Variants in OPN3 observed in about 807,000 individuals in gnomAD.
OPN3 encodes the protein opsin-3.
Under a neutral mutation model 33.8 loss-of-function variants are expected in OPN3, and 29 were observed. That is an observed-to-expected ratio of 0.86 (90% CI 0.64 to 1.17). The LOEUF is 1.17. Ranked by LOEUF, OPN3 falls within the 50% of genes most tolerant of loss-of-function variation. The pLI is 0.00. For missense variants in OPN3, 437 were observed against 514.1 expected (o/e 0.85, Z 1.45); for synonymous variants, 216 against 216.1 (o/e 1.00, Z 0.00).
At chr1:241,624,018 G>A (rs1335902933) in intron 1 of OPN3, among the ~76,000 whole-genome samples, 874 of 89,836 alleles carry the variant, frequency 9.7e-3, no homozygotes, top group Middle Eastern at 0.021. Context: ...TATGCTCCAG[G>A]CACTGTGGAC....
intron 1 of OPN3, among the ~76,000 whole-genome samples, chr1:241,614,908 C>G (rs1664085613): frequency 6.6e-6 from 1 of 152,204 alleles, no homozygotes; most frequent in South Asian, 2.1e-4. Flanking sequence ...TGTTTCCCCC[C>G]AGTAATTGCT....
chr1:241,613,382 G>A (rs1195742291), intron 1 of OPN3, among the ~76,000 whole-genome samples: 2 of 152,154 alleles, frequency 1.3e-5, no homozygotes, highest in Admixed American at 1.3e-4. Flanking sequence ...AAAAATAAAA[G>A]AGCCAAGACT....
At chr1:241,631,569 A>T (rs749541211) in intron 1 of OPN3, 2 of 152,134 alleles carry the variant, frequency 1.3e-5, no homozygotes, top group Non-Finnish European at 2.9e-5. Context: ...CAATTACTTA[A>T]ATCTGTCTAG....
intron 1 of OPN3, among the ~76,000 whole-genome samples, chr1:241,618,861 C>G (rs981808799): frequency 1.1e-4 from 17 of 148,488 alleles, no homozygotes; most frequent in Non-Finnish European, 5.9e-5. Context: ...GGCACACCCA[C>G]TTTTGTATTT....
At chr1:241,627,999 C>G (rs1398336860) in intron 1 of OPN3, among the ~76,000 whole-genome samples, 1 of 152,086 alleles carries the variant, frequency 6.6e-6, no homozygotes, top group Admixed American at 6.6e-5. Flanking sequence ...CTTCCCCAGG[C>G]AAAAGAAAAA....
At chr1:241,607,899 A>G (rs1001821252) in intron 1 of OPN3, among the ~76,000 whole-genome samples, 4 of 152,194 alleles carry the variant, frequency 2.6e-5, no homozygotes, top group Non-Finnish European at 5.9e-5. Flanking sequence ...GAAAGTATCA[A>G]GGTAGATGAC....
Position 241,640,051 on chromosome 1 carries a change from CT to C in OPN3, c.203del (p.Lys68SerfsTer36). The C allele has an allele frequency of 1.2e-6, 2 of 1,612,874 alleles. No individual in the cohort carries two copies. Among genetic ancestry groups the C allele is most frequent in the Non-Finnish European group, 1.7e-6 (2 of 1,179,530 alleles). The part of the protein sequence containing the change: ...NNLLVLVLYY[K>X]FQRLRTPTHL... Reference sequence around the variant, plus strand: ...GAGTGGGAGTGCGGAGCCGCTGGAACTTGTAGTAGAGGACGAGCACCAGCAG... The same window carrying C: ...GAGTGGGAGTGCGGAGCCGCTGGAACTGTAGTAGAGGACGAGCACCAGCAG... On this transcript the variant is annotated frameshift_variant, in exon 1 of 4. Transcript: ENST00000366554. LOFTEE classifies it high-confidence loss of function.
intron 1 of OPN3, chr1:241,635,406 T>C: frequency 6.2e-7 from 1 of 1,614,054 alleles, no homozygotes; most frequent in South Asian, 1.1e-5. Flanking sequence ...GAAGGATTTT[T>C]CTGCAGAGCA....
Position 241,594,551 on chromosome 1 carries a change from T to A in OPN3, c.1086A>T (p.Lys362Asn), listed in dbSNP as rs1403580402. ...TGGAAGAAGAGTTGAAAGTCACTTT[T>A]TTCTTTGGCCTGTCCCCATCTTTCT... Reference protein sequence around the residue: ...MSQKDGDRPKKKVTFNSSSII... With the variant: ...MSQKDGDRPKNKVTFNSSSII... Residue 362 changes from lysine (K) to asparagine (N), a missense_variant, in exon 4 of 4, where the codon AAA (lysine) becomes AAT (asparagine). By Grantham distance (94) the Lys-to-Asn change is moderately conservative (BLOSUM62 0). Transcript: ENST00000366554. 1.2e-6 allele frequency: 2 copies of A among 1,614,140 alleles called. No individual in the cohort carries two copies. Among genetic ancestry groups the A allele is most frequent in the Admixed American group, 1.7e-5 (1 of 60,020 alleles).
chr1:241,618,972 T>TTATATATATA (rs139434037), intron 1 of OPN3, among the ~76,000 whole-genome samples: 10 of 147,876 alleles, frequency 6.8e-5, no homozygotes, highest in African/African-American at 2.2e-4. Flanking sequence ...GCAGGCTAGT[T>TTATATATATA]TATATATATA....
chr1:241,631,162 GC>G (rs1664620683), intron 1 of OPN3: 1 of 151,988 alleles, frequency 6.6e-6, no homozygotes, highest in African/African-American at 2.4e-5. Context: ...ATTTTTAAAT[GC>G]TTTTTATTGG....
chr1:241,633,936 G>C (rs1437275556), intron 1 of OPN3: 1 of 1,613,764 alleles, frequency 6.2e-7, no homozygotes, highest in African/African-American at 1.3e-5. Flanking sequence ...TCTGGATTTG[G>C]AGGTGGAGGG....
intron 1 of OPN3, among the ~76,000 whole-genome samples, chr1:241,612,161 T>C (rs1336631462): frequency 6.6e-6 from 1 of 152,236 alleles, no homozygotes; most frequent in East Asian, 1.9e-4. Context: ...ATAGATTCTC[T>C]GGATCATTTT....
intron 1 of OPN3, among the ~76,000 whole-genome samples, chr1:241,637,528 G>A (rs1349433263): frequency 6.6e-6 from 1 of 152,186 alleles, no homozygotes; most frequent in African/African-American, 2.4e-5. Context: ...ATCTATGATG[G>A]TATCTGAAGA....
chr1:241,625,132 T>TA (rs2148015808), intron 1 of OPN3, among the ~76,000 whole-genome samples: 2 of 152,362 alleles, frequency 1.3e-5, no homozygotes, highest in Admixed American at 1.3e-4. Flanking sequence ...AGTGTCTAGT[T>TA]AAAGTTCTTA....
intron 1 of OPN3, among the ~76,000 whole-genome samples, chr1:241,616,603 A>AATAGTACATAGTACAAGGGATTATTATGT (rs563305984): frequency 5.6e-4 from 85 of 152,270 alleles, no homozygotes; most frequent in Admixed American, 4.6e-3. Context: ...TGGCACCGAG[A>AATAGTACATAGTACAAGGGATTATTATGT]ATAGTACAAG....
At chr1:241,606,219 G>A (rs139476141) in intron 1 of OPN3, among the ~76,000 whole-genome samples, 9 of 152,288 alleles carry the variant, frequency 5.9e-5, no homozygotes, top group African/African-American at 2.2e-4. Flanking sequence ...TCGAATGTGA[G>A]GCGTGAGGGG....
At chr1:241,633,686 T>G in intron 1 of OPN3, 2 of 1,104,078 alleles carry the variant, frequency 1.8e-6, no homozygotes, top group Non-Finnish European at 2.6e-6. Context: ...CTGCATAGCA[T>G]TCATCATATA....
In OPN3 at chr1:241,594,484, C is replaced by T. The variant is rs755184210; in HGVS notation, c.1153G>A (p.Asp385Asn). 7.4e-6 allele frequency: 12 copies of T among 1,614,062 alleles called. No individual in the cohort carries two copies. Among genetic ancestry groups the T allele is most frequent in the Middle Eastern group, 1.7e-4 (1 of 6,060 alleles). ...ITSDESLSVDDSDKTNGSKVD... is the reference protein window; with the variant it reads ...ITSDESLSVDNSDKTNGSKVD... ...TTGGACCCATTGGTTTTGTCGCTGT[C>T]GTCAACTGACAGTGATTCATCACTG... Residue 385 changes from aspartate (D) to asparagine (N), a missense_variant, in exon 4 of 4, where the codon GAC (aspartate) becomes AAC (asparagine). Physicochemically the swap from Asp to Asn is conservative, Grantham distance 23. Coordinates refer to ENST00000366554, the MANE Select transcript of OPN3 (RefSeq NM_014322.3).
Sources: gnomAD v4.1 joint callset for allele counts (sites outside exome capture counted in the v4.1 genomes callset) on GRCh38, gnomAD v4.1.1 for gene constraint, MANE v1.5 for transcripts, NCBI Gene and HGNC (gene_info 2026-07-23, HGNC 2026-07-21) for gene names.